Variants in PKD2L1 observed in about 807,000 individuals in gnomAD.
PKD2L1 encodes polycystin 2 like 1, transient receptor potential cation channel, also known as polycystin-2-like protein 1.
In PKD2L1, 77 loss-of-function variants were observed where a neutral mutation model predicts 93.0. That is an observed-to-expected ratio of 0.83 (90% CI 0.69 to 1.00). The LOEUF (loss-of-function observed/expected upper bound fraction) is 1.00, where lower values mean the gene tolerates loss of function less well. Ranked by LOEUF, PKD2L1 falls within the 50% of genes least tolerant of loss-of-function variation. The probability of loss-of-function intolerance (pLI) is 0.00; values close to 1 mark genes in which losing one functional copy is unlikely to be tolerated. For synonymous variants in PKD2L1, 390 were observed against 388.0 expected (o/e 1.01, Z -0.06); for missense variants, 977 against 990.9 (o/e 0.99, Z 0.19).
At chr10:100,304,771 C>T (rs985022178) in intron 2 of PKD2L1, among the ~76,000 whole-genome samples, 3 of 152,194 alleles carry the variant, frequency 2.0e-5, no homozygotes, top group Admixed American at 6.5e-5. Flanking sequence ...AGGCGTGAGC[C>T]ACCATGACCA....
At chr10:100,290,325 G>T in intron 13 of PKD2L1, 76 bp downstream of exon 13, 2 of 1,285,280 alleles carry the variant, frequency 1.6e-6, no homozygotes, top group South Asian at 1.2e-5. Context: ...TTGGAAAGTT[G>T]TGGGAAAAGT....
chr10:100,329,679 G>A (rs610745), intron 1 of PKD2L1, among the ~76,000 whole-genome samples, 190 bp downstream of exon 1: 20,134 of 152,088 alleles, frequency 0.13, 1,500 homozygotes, highest in South Asian at 0.3. Context: ...TCCCACAACC[G>A]GTAGACCGCT....
intron 1 of PKD2L1, 75 bp downstream of exon 1, chr10:100,329,794 C>T: frequency 9.8e-7 from 1 of 1,021,726 alleles, no homozygotes; most frequent in Non-Finnish European, 1.5e-6. Flanking sequence ...ATTCCACCCC[C>T]ACCCCCTGCC....
chr10:100,292,319 C>G (rs921537237), intron 11 of PKD2L1, among the ~76,000 whole-genome samples: 1 of 151,854 alleles, frequency 6.6e-6, no homozygotes, highest in African/African-American at 2.4e-5. Context: ...TGGCAAAATC[C>G]CATCTCTACC....
At chr10:100,299,512 A>C in intron 3 of PKD2L1, 79 bp downstream of exon 3, 1 of 1,298,160 alleles carries the variant, frequency 7.7e-7, no homozygotes, top group East Asian at 2.3e-5. Flanking sequence ...TCCCAGCATA[A>C]GGTCTGATCC....
At chr10:100,296,331 G>A in intron 6 of PKD2L1, 39 bp from the exon 7 acceptor site, 1 of 1,522,538 alleles carries the variant, frequency 6.6e-7, no homozygotes, top group Middle Eastern at 2.0e-4. Context: ...GAGAAGGCAA[G>A]GGGATCTCAA....
At position 100,297,944 on chromosome 10, in the gene PKD2L1, A is replaced by T. The variant is rs1177076006; in HGVS notation, c.732-338T>A. On this transcript the variant is annotated intron_variant, in intron 4 of 15. Transcript: ENST00000318222. ...TCTGATTTTTCACTATGTCACTCAA[A>T]GATTTGGATGACAAAGCCAAGCCCC... is the stretch of plus-strand genomic sequence containing the variant. Among the ~76,000 whole-genome samples, 5 of 152,240 alleles carry T rather than the reference A, an allele frequency of 3.3e-5. No individual in the cohort carries two copies. In the East Asian group the frequency reaches 7.7e-4, roughly 24 times the overall value.
intron 2 of PKD2L1, among the ~76,000 whole-genome samples, chr10:100,320,523 T>A (rs1316158433): frequency 6.6e-6 from 1 of 152,220 alleles, no homozygotes; most frequent in Non-Finnish European, 1.5e-5. Flanking sequence ...ATCTTGGAAA[T>A]GAGGTCGCTG....
At chr10:100,306,854 T>TAAAAAAAAAAAAAAAA (rs1848812044) in intron 2 of PKD2L1, among the ~76,000 whole-genome samples, 1 of 11,482 alleles carries the variant, frequency 8.7e-5, no homozygotes, top group African/African-American at 5.2e-4. Flanking sequence ...TGAGACCCTG[T>TAAAAAAAAAAAAAAAA]CAAAAAAAAA....
Position 100,290,548 on chromosome 10 carries a change from A to T in PKD2L1, c.2008-29T>A, listed in dbSNP as rs775012158. 4 of 1,435,260 alleles carry T rather than the reference A, an allele frequency of 2.8e-6. No individual in the cohort carries two copies. The African/African-American group carries it at 4.2e-5, about 15-fold the overall frequency. The allele number at this position is 1,435,260 out of a possible 1,614,324, so 88.9% of individuals were successfully genotyped here. A position where few individuals can be genotyped will look rare whatever the true frequency, so the allele number is the denominator to read the frequency against. On this transcript the variant is annotated intron_variant, in intron 12 of 15. Transcript: ENST00000318222. The stretch of plus-strand genomic sequence containing the variant: ...CTCAGGAAGTCAGAGGTTAGAGGGG[A>T]GGAGATAACTCTGGGAAGCCATCAG...
At position 100,329,964 on chromosome 10, in the gene PKD2L1, TG is replaced by T; in HGVS notation, c.139del (p.Gln47SerfsTer39). 2 of 1,614,032 alleles carry T rather than the reference TG, an allele frequency of 1.2e-6. No homozygotes were observed. Among genetic ancestry groups the T allele is most frequent in the Non-Finnish European group, 1.7e-6 (2 of 1,179,910 alleles). On this transcript the variant is annotated frameshift_variant, in exon 1 of 16. Coordinates refer to ENST00000318222, the MANE Select transcript of PKD2L1 (RefSeq NM_016112.3). LOFTEE classifies it high-confidence loss of function. ...ATCTTCAGGCTTCTTGGGTTGGGGCTGGAGAGGCCCCGTGCTGGAGATGGTG... is the reference window on the plus strand; with the variant it reads ...ATCTTCAGGCTTCTTGGGTTGGGGCTGAGAGGCCCCGTGCTGGAGATGGTG... ...VCTISSTGPL[Q>X]PQPKKPEDEP...
chr10:100,330,016 A>T lies in PKD2L1; in HGVS notation c.88T>A (p.Ser30Thr). The T allele has an allele frequency of 6.2e-7, 1 of 1,613,418 alleles. No individual in the cohort carries two copies. The highest frequency in any genetic ancestry group is 8.5e-7 in the Non-Finnish European group (1 of 1,179,668). Residue 30 changes from serine to threonine, a missense_variant, in exon 1 of 16, where the codon TCC (serine) becomes ACC (threonine). Ser to Thr is a moderately conservative substitution (Grantham distance 58). Transcript: ENST00000318222. ...CAGACTCTCAGCGTCCCGTGTGGGGAAGGGGGACCACTGTAGGCGGGGTTG... is the reference window on the plus strand; with the variant it reads ...CAGACTCTCAGCGTCCCGTGTGGGGTAGGGGGACCACTGTAGGCGGGGTTG... ...WDNPAYSGPP[S>T]PHGTLRVCTI...
At chr10:100,292,864 A>T in intron 11 of PKD2L1, 84 bp downstream of exon 11, 1 of 1,431,268 alleles carries the variant, frequency 7.0e-7, no homozygotes, top group Non-Finnish European at 9.4e-7. Context: ...CTAAAACCAA[A>T]GGCTTATAAG....
In PKD2L1 at chr10:100,289,054, C is replaced by G. The variant is rs1440442651; in HGVS notation, c.2253G>C (p.Lys751Asn). The G allele has an allele frequency of 1.2e-6, 2 of 1,609,854 alleles. No individual in the cohort carries two copies. The highest frequency in any genetic ancestry group is 4.5e-5 in the East Asian group (2 of 44,830). ...GCGGGTGCTTCCAAATAGCTTGTTC[C>G]TTCTGTTGGAAGAAGAAAGGGACAA... is the stretch of plus-strand genomic sequence containing the variant. The part of the protein sequence containing the change: ...KGWLAPSPGV[K>N]EQAIWKHPQP... Residue 751 changes from lysine (K) to asparagine (N), a missense_variant and splice_region_variant, in exon 15 of 16, where the codon AAG becomes AAC. Lys to Asn is a moderately conservative substitution (Grantham distance 94). Transcript: ENST00000318222.
At chr10:100,322,573 G>A (rs76041239) in intron 2 of PKD2L1, among the ~76,000 whole-genome samples, 340 of 152,158 alleles carry the variant, frequency 2.2e-3, no homozygotes, top group African/African-American at 7.6e-3. Flanking sequence ...CATAAACACC[G>A]GTAATAAGAA....
Position 100,298,608 on chromosome 10 carries a change from G to T in PKD2L1, c.685C>A (p.Pro229Thr), listed in dbSNP as rs1848604312. The T allele has an allele frequency of 6.2e-7, 1 of 1,613,968 alleles. No homozygotes were observed. Among genetic ancestry groups the T allele is most frequent in the African/African-American group, 1.3e-5 (1 of 74,910 alleles). ...AAGGGGAGTTGTTCTTCTTTGTCTGGAGAGTAGACATCATAGCAGCTCAGA... is the reference window on the plus strand; with the variant it reads ...AAGGGGAGTTGTTCTTCTTTGTCTGTAGAGTAGACATCATAGCAGCTCAGA... ...DILSCYDVYS[P>T]DKEEQLPFGP... is the part of the protein sequence containing the mutation. Residue 229 changes from proline (P) to threonine (T), a missense_variant, in exon 4 of 16, where the codon CCA becomes ACA. By Grantham distance (38) the Pro-to-Thr change is conservative. Transcript: ENST00000318222.
At chr10:100,312,689 C>G (rs553127115) in intron 2 of PKD2L1, among the ~76,000 whole-genome samples, 8 of 152,192 alleles carry the variant, frequency 5.3e-5, no homozygotes, top group Admixed American at 2.0e-4. Context: ...AATGCAGAAT[C>G]CAGGGAGAGC....
chr10:100,329,488 G>T, intron 1 of PKD2L1, 164 bp from the exon 2 acceptor site: 1 of 939,758 alleles, frequency 1.1e-6, no homozygotes. Flanking sequence ...ACCCATGCTT[G>T]CTCTTCCCAT....
At position 100,293,058 on chromosome 10, in the gene PKD2L1, CTTG is replaced by C. The variant is rs989634378; in HGVS notation, c.1767_1769del (p.Asn589del). On this transcript the variant is annotated inframe_deletion, in exon 11 of 16. Coordinates refer to ENST00000318222, the MANE Select transcript of PKD2L1 (RefSeq NM_016112.3). ...TCCTCAGACGCAGTCTTAGTAGGGT[CTTG>C]TTGTAGCCCTGAAAGGGAAAGGAAA... 2 of 1,613,972 alleles carry C rather than the reference CTTG, an allele frequency of 1.2e-6. No individual in the cohort carries two copies. Among genetic ancestry groups the C allele is most frequent in the Non-Finnish European group, 1.7e-6 (2 of 1,179,946 alleles).
Sources: allele counts gnomAD v4.1 joint callset (sites outside exome capture counted in the v4.1 genomes callset), GRCh38; gene constraint gnomAD v4.1.1; transcripts MANE v1.5; gene names NCBI Gene and HGNC (gene_info 2026-07-23, HGNC 2026-07-21).